Variants in MEIS2 observed in about 807,000 individuals in gnomAD.
The protein encoded by MEIS2 is homeobox protein Meis2.
Under a neutral mutation model 58.6 loss-of-function variants are expected in MEIS2, and 9 were observed. The observed-to-expected ratio is 0.15, with a 90% CI of 0.09 to 0.27. The LOEUF (loss-of-function observed/expected upper bound fraction) is 0.27. Among genes scored for constraint, MEIS2 ranks in the 10% least tolerant of loss-of-function variants. The probability of loss-of-function intolerance (pLI) is 1.00; values close to 1 mark genes in which losing one functional copy is unlikely to be tolerated. For missense variants in MEIS2, 427 were observed against 635.0 expected (o/e 0.67, Z 3.52); for synonymous variants, 221 against 228.4 (o/e 0.97, Z 0.29).
At chr15:36,987,291 G>A (rs1221522309) in intron 8 of MEIS2, among the ~76,000 whole-genome samples, 5 of 151,758 alleles carry the variant, frequency 3.3e-5, no homozygotes, top group Admixed American at 6.6e-5. Flanking sequence ...GCCTGTAGTC[G>A]CAGCTACTTG....
At chr15:37,042,316 G>GGGAT (rs1233810595) in intron 7 of MEIS2, among the ~76,000 whole-genome samples, 7 of 152,284 alleles carry the variant, frequency 4.6e-5, no homozygotes, top group African/African-American at 1.7e-4. Context: ...TGATACCACA[G>GGGAT]GGATGTGGCC....
At chr15:37,023,032 T>C (rs905965839) in intron 8 of MEIS2, among the ~76,000 whole-genome samples, 1 of 152,250 alleles carries the variant, frequency 6.6e-6, no homozygotes, top group Non-Finnish European at 1.5e-5. Flanking sequence ...TTATATAATG[T>C]TACATATTTT....
At position 36,971,153 on chromosome 15, in the gene MEIS2, G is replaced by A. The variant is rs535904530; in HGVS notation, c.901-20753C>T. Among the ~76,000 whole-genome samples the A allele has an allele frequency of 2.7e-4, 41 of 152,002 alleles. 1 individual carries two copies. Among genetic ancestry groups the A allele is most frequent in the Admixed American group, 2.1e-3 (32 of 15,282 alleles). On this transcript the variant is annotated intron_variant, in intron 8 of 11. Coordinates refer to ENST00000561208, the MANE Select transcript of MEIS2 (RefSeq NM_170675.5). ...ATTTACCTGCCTCTGGCTAGTAACA[G>A]GAAAAAGGAATAATCAGAACATAAA...
At chr15:36,917,999 A>G (rs551722524) in intron 9 of MEIS2, among the ~76,000 whole-genome samples, 1 of 152,332 alleles carries the variant, frequency 6.6e-6, no homozygotes, top group African/African-American at 2.4e-5. Flanking sequence ...CAGAAATTCT[A>G]GAAGTCACAA....
intron 7 of MEIS2, among the ~76,000 whole-genome samples, chr15:37,080,064 T>A (rs1407026061): frequency 1.3e-5 from 2 of 152,124 alleles, no homozygotes; most frequent in Middle Eastern, 3.2e-3. Flanking sequence ...TACAACGATT[T>A]TACAGCAAAG....
At chr15:36,937,958 T>G (rs142161650) in intron 9 of MEIS2, among the ~76,000 whole-genome samples, 3 of 152,214 alleles carry the variant, frequency 2.0e-5, no homozygotes, top group East Asian at 1.9e-4. Context: ...ATTCCATTTT[T>G]ATGAAGAATT....
At chr15:37,101,288 C>G (rs1013162518), upstream of MEIS2, 4 of 144,496 alleles carry the variant, frequency 2.8e-5, no homozygotes, top group Non-Finnish European at 4.5e-5. Context: ...CATCTGGGTC[C>G]GATGTAGCCA....
chr15:37,017,146 G>A (rs1452243343), intron 8 of MEIS2, among the ~76,000 whole-genome samples: 2 of 151,976 alleles, frequency 1.3e-5, no homozygotes, highest in Admixed American at 6.6e-5. Flanking sequence ...TTCTGATGAC[G>A]CAAACCGATA....
chr15:36,914,684 T>C (rs888548939), intron 9 of MEIS2, among the ~76,000 whole-genome samples: 1 of 152,078 alleles, frequency 6.6e-6, no homozygotes, highest in Non-Finnish European at 1.5e-5. Flanking sequence ...GGAATAGAAA[T>C]TGCTATCAGT....
At chr15:36,984,975 C>T (rs1334539501) in intron 8 of MEIS2, among the ~76,000 whole-genome samples, 1 of 152,024 alleles carries the variant, frequency 6.6e-6, no homozygotes, top group Non-Finnish European at 1.5e-5. Context: ...TGAGTCTTTT[C>T]TTAGTCTAGC....
intron 8 of MEIS2, among the ~76,000 whole-genome samples, chr15:37,030,199 C>G (rs1309225038): frequency 6.6e-6 from 1 of 152,154 alleles, no homozygotes; most frequent in Non-Finnish European, 1.5e-5. Context: ...TTCTTCTCCA[C>G]CTTCCACCCC....
chr15:36,921,851 G>C (rs2141298481), intron 9 of MEIS2, among the ~76,000 whole-genome samples: 1 of 152,300 alleles, frequency 6.6e-6, no homozygotes, highest in South Asian at 2.1e-4. Context: ...GCTATAAAGA[G>C]AAACCAAAGG....
At chr15:37,042,985 G>A (rs1316613439) in intron 7 of MEIS2, among the ~76,000 whole-genome samples, 3 of 152,148 alleles carry the variant, frequency 2.0e-5, no homozygotes, top group African/African-American at 2.4e-5. Context: ...TGATTACAAC[G>A]ATATATTCAC....
intron 9 of MEIS2, among the ~76,000 whole-genome samples, chr15:36,908,474 C>A (rs766555304): frequency 4.6e-5 from 7 of 152,136 alleles, no homozygotes; most frequent in Non-Finnish European, 8.8e-5. Flanking sequence ...ACAAAGCCGT[C>A]ATCTACAACA....
intron 7 of MEIS2, among the ~76,000 whole-genome samples, chr15:37,039,394 A>C (rs1409821437): frequency 2.0e-5 from 3 of 152,200 alleles, no homozygotes; most frequent in African/African-American, 4.8e-5. Flanking sequence ...AATTGTCAGG[A>C]TTTTGTTAAA....
At chr15:36,993,279 C>A (rs1205032101) in intron 8 of MEIS2, among the ~76,000 whole-genome samples, 2 of 152,040 alleles carry the variant, frequency 1.3e-5, no homozygotes, top group Non-Finnish European at 2.9e-5. Flanking sequence ...AAAGAAACTT[C>A]TAGAATTCCG....
chr15:36,937,821 C>T lies in MEIS2; in HGVS notation c.977+12503G>A, dbSNP rs2058230775. 2.0e-5 allele frequency among the ~76,000 whole-genome samples: 3 copies of T among 152,078 alleles called. No homozygotes were observed. The South Asian group carries it at 6.2e-4, about 32-fold the overall frequency. On this transcript the variant is annotated intron_variant, in intron 9 of 11. Coordinates refer to ENST00000561208, the MANE Select transcript of MEIS2 (RefSeq NM_170675.5). ...TTCCACACTCTTAAAAGACTTTTTACCCTCACAACTATGGAAAATTGGGGG... is the reference window on the plus strand; with the variant it reads ...TTCCACACTCTTAAAAGACTTTTTATCCTCACAACTATGGAAAATTGGGGG...
At chr15:37,057,841 T>C (rs1888645420) in intron 7 of MEIS2, among the ~76,000 whole-genome samples, 1 of 152,030 alleles carries the variant, frequency 6.6e-6, no homozygotes, top group African/African-American at 2.4e-5. Flanking sequence ...AGCCGAGGCT[T>C]GTATCCTGTG....
chr15:36,995,289 CCATAGA>C (rs2060436253), intron 8 of MEIS2, among the ~76,000 whole-genome samples: 4 of 152,162 alleles, frequency 2.6e-5, no homozygotes, highest in Non-Finnish European at 5.9e-5. Flanking sequence ...GCATTCCCAC[CCATAGA>C]CACTTAACCA....
Sources: gnomAD v4.1 joint callset for allele counts (sites outside exome capture counted in the v4.1 genomes callset) on GRCh38, gnomAD v4.1.1 for gene constraint, MANE v1.5 for transcripts, NCBI Gene and HGNC (gene_info 2026-07-23, HGNC 2026-07-21) for gene names.